ZNF185: variants seen among roughly 807,000 people sequenced by gnomAD.
ZNF185 encodes the protein zinc finger protein 185.
Under a neutral mutation model 58.6 loss-of-function variants are expected in ZNF185, and 56 were observed. That is an observed-to-expected ratio of 0.95 (90% CI 0.77 to 1.19). The LOEUF is 1.19. Ranked by LOEUF, ZNF185 falls within the 50% of genes most tolerant of loss-of-function variation. The pLI is 0.00. For missense variants in ZNF185, 627 were observed against 573.5 expected, an observed-to-expected ratio of 1.09 and a Z score of -0.95; for synonymous variants, 230 against 215.9, an observed-to-expected ratio of 1.07 and a Z score of -0.57.
chrX:152,961,926 G>A (rs1603309182), intron 17 of ZNF185, among the ~76,000 whole-genome samples: 4 of 111,955 alleles, frequency 3.6e-5, no homozygotes, highest in South Asian at 3.8e-4. Context: ...ACTGTTCATC[G>A]CTGTGGCATC....
chrX:152,971,062 T>C (rs1446969381), intron 22 of ZNF185, among the ~76,000 whole-genome samples: 2 of 111,963 alleles, frequency 1.8e-5, no homozygotes, highest in Non-Finnish European at 3.8e-5. Context: ...TCATAGCCAG[T>C]GGAATTTATC....
At chrX:152,950,660 G>A (rs2048213115) in intron 16 of ZNF185, among the ~76,000 whole-genome samples, 2 of 111,546 alleles carry the variant, frequency 1.8e-5, no homozygotes, top group Non-Finnish European at 3.8e-5. Flanking sequence ...CTTGTTACAA[G>A]GTGAAAGAAC....
At chrX:152,971,125 G>C (rs1316165338) in intron 22 of ZNF185, 149 bp from the exon 25 acceptor site, 1 of 112,053 alleles carries the variant, frequency 8.9e-6, no homozygotes, top group Non-Finnish European at 1.9e-5. Context: ...TAGCAACCAG[G>C]CTTTCCACTA....
At chrX:152,968,893 G>A (rs2050393238) in intron 20 of ZNF185, among the ~76,000 whole-genome samples, 1 of 111,899 alleles carries the variant, frequency 8.9e-6, no homozygotes, top group Admixed American at 9.5e-5. Flanking sequence ...ATCTGAGTAG[G>A]CTCTACAGAC....
At chrX:152,903,095 G>A in the ZNF185 span, among the ~76,000 whole-genome samples, 2 of 110,880 alleles carry the variant, frequency 1.8e-5, no homozygotes, top group African/African-American at 6.6e-5. Context: ...GCGAAAGAGG[G>A]TAAAAGAAAG....
chrX:152,900,187 C>A, the ZNF185 span, among the ~76,000 whole-genome samples: 1 of 112,359 alleles, frequency 8.9e-6, no homozygotes, highest in Non-Finnish European at 1.9e-5. Context: ...TCTGGCAGGG[C>A]AGGGACTCTG....
At chrX:152,945,078 C>T (rs1041374917) in intron 15 of ZNF185, among the ~76,000 whole-genome samples, 189 bp from the exon 18 acceptor site, 2 of 112,871 alleles carry the variant, frequency 1.8e-5, no homozygotes, top group East Asian at 5.6e-4. Context: ...AGCAGCGATG[C>T]TGGGCTCCTG....
intron 11 of ZNF185, among the ~76,000 whole-genome samples, chrX:152,927,815 G>A (rs1326712627): frequency 8.8e-5 from 2 of 22,756 alleles, no homozygotes; most frequent in Non-Finnish European, 1.6e-4. Context: ...GCACTTCCAG[G>A]GCCCAGGGAC....
At chrX:152,965,734 A>G (rs955965024) in intron 19 of ZNF185, among the ~76,000 whole-genome samples, 5 of 110,036 alleles carry the variant, frequency 4.5e-5, no homozygotes, top group African/African-American at 1.7e-4. Context: ...CTTCCGGTGA[A>G]TTCATCCTGC....
At chrX:152,952,620 G>A (rs191934505) in intron 16 of ZNF185, among the ~76,000 whole-genome samples, 2 of 110,976 alleles carry the variant, frequency 1.8e-5, no homozygotes, top group East Asian at 5.7e-4. Flanking sequence ...AAAGCCTGGT[G>A]AAGAGTAGAT....
intron 14 of ZNF185, among the ~76,000 whole-genome samples, chrX:152,937,055 A>C (rs1306654115): frequency 1.8e-5 from 2 of 111,718 alleles, no homozygotes; most frequent in Non-Finnish European, 3.8e-5. Context: ...GGGCATGGCC[A>C]CTTTGCTGTG....
chrX:152,970,391 A>C, intron 21 of ZNF185, 52 bp from the exon 24 acceptor site: 2 of 1,142,841 alleles, frequency 1.8e-6, no homozygotes, highest in South Asian at 3.7e-5. Flanking sequence ...CACTCCACTC[A>C]TTCCTCTTGC....
At position 152,962,775 on chromosome X, in the gene ZNF185, A is replaced by G. The variant is rs370544219; in HGVS notation, c.1608-1064A>G. 2.6e-3 allele frequency among the ~76,000 whole-genome samples: 294 copies of G among 112,810 alleles called. 1 individual carries two copies. The highest frequency in any genetic ancestry group is 8.9e-3 in the African/African-American group (277 of 31,076). ...AAGGCATATGAGAGCCTGGAAGTCC[A>G]GGGGAACTGCAGGCTGGTCTGTACG... On this transcript the variant is annotated intron_variant, in intron 17 of 22. Transcript: ENST00000449285.
In ZNF185 at chrX:152,963,956, A is replaced by G; in HGVS notation, c.1718+7A>G. ...TGGACTCCAGCTCTACCACGTAAGA[A>G]GGGCTATCTAGCAACCTGGGAGATG... On this transcript the variant is annotated splice_region_variant and intron_variant, in intron 18 of 22. Transcript: ENST00000449285. 1 of 1,198,209 alleles carries G rather than the reference A, an allele frequency of 8.3e-7. No homozygotes were observed. The highest frequency in any genetic ancestry group is 1.8e-5 in the South Asian group (1 of 56,478).
At chrX:152,945,956 G>A (rs924337759) in intron 16 of ZNF185, among the ~76,000 whole-genome samples, 1 of 112,404 alleles carries the variant, frequency 8.9e-6, no homozygotes, top group Non-Finnish European at 1.9e-5. Flanking sequence ...GCATGAGAGA[G>A]TGACACAGGA....
At chrX:152,967,274 T>C in intron 20 of ZNF185, 36 bp downstream of exon 22, 1 of 1,161,664 alleles carries the variant, frequency 8.6e-7, no homozygotes, top group Non-Finnish European at 1.2e-6. Flanking sequence ...CTTGCACTTC[T>C]ACAGAGGAGA....
At chrX:152,947,540 GAGA>G (rs1484751133) in intron 16 of ZNF185, among the ~76,000 whole-genome samples, 2 of 112,079 alleles carry the variant, frequency 1.8e-5, no homozygotes, top group Non-Finnish European at 3.8e-5. Flanking sequence ...GCACAGAGAT[GAGA>G]AGGTCACTGG....
At chrX:152,933,125 C>T (rs1360580649) in intron 14 of ZNF185, among the ~76,000 whole-genome samples, 154 bp downstream of exon 15, 1 of 112,290 alleles carries the variant, frequency 8.9e-6, no homozygotes, top group Non-Finnish European at 1.9e-5. Context: ...CCACCACATC[C>T]TGTGTCCTTG....
intron 12 of ZNF185, among the ~76,000 whole-genome samples, 170 bp downstream of exon 13, chrX:152,928,831 C>T (rs1234470483): frequency 8.8e-6 from 1 of 113,191 alleles, no homozygotes; most frequent in Non-Finnish European, 1.9e-5. Context: ...CATTCTTTCA[C>T]TCAGAAAACC....
Sources: allele counts gnomAD v4.1 joint callset (sites outside exome capture counted in the v4.1 genomes callset), GRCh38; gene constraint gnomAD v4.1.1; transcripts MANE v1.5; gene names NCBI Gene and HGNC (gene_info 2026-07-23, HGNC 2026-07-21).